Variants in IL6R observed in about 807,000 individuals in gnomAD.
The protein encoded by IL6R is interleukin 6 receptor.
In IL6R, 38 loss-of-function variants were observed where a neutral mutation model predicts 48.3. The observed-to-expected ratio is 0.79, with a 90% CI of 0.61 to 1.03. The LOEUF is 1.03. IL6R is among the 50% of genes least tolerant of loss of function. IL6R has a pLI of 0.00. For missense variants in IL6R, 534 were observed against 618.3 expected, an observed-to-expected ratio of 0.86 and a Z score of 1.45; for synonymous variants, 264 against 256.2, an observed-to-expected ratio of 1.03 and a Z score of -0.29.
At chr1:154,443,597 G>A (rs1252966360) in intron 6 of IL6R, among the ~76,000 whole-genome samples, 1 of 152,180 alleles carries the variant, frequency 6.6e-6, no homozygotes, top group Non-Finnish European at 1.5e-5. Flanking sequence ...CCCTGGGGAA[G>A]TACCTCACTG....
At chr1:154,434,857 C>A in intron 4 of IL6R, 133 bp from the exon 5 acceptor site, 1 of 1,197,512 alleles carries the variant, frequency 8.4e-7, no homozygotes, top group Non-Finnish European at 1.2e-6. Context: ...AATGATAAAG[C>A]AGGCCCTTGT....
intron 8 of IL6R, among the ~76,000 whole-genome samples, chr1:154,452,753 C>T (rs941478357): frequency 2.6e-5 from 4 of 151,560 alleles, no homozygotes; most frequent in Non-Finnish European, 5.9e-5. Context: ...ATAGGGTGAA[C>T]CCGGGAGGCG....
chr1:154,420,268 C>A (rs1388427927), intron 1 of IL6R, among the ~76,000 whole-genome samples: 1 of 152,074 alleles, frequency 6.6e-6, no homozygotes, highest in African/African-American at 2.4e-5. Context: ...CCTCTGAGAG[C>A]TAATGATTGG....
chr1:154,464,248 G>C (rs957823833), intron 9 of IL6R, among the ~76,000 whole-genome samples: 1 of 150,942 alleles, frequency 6.6e-6, no homozygotes, highest in South Asian at 2.1e-4. Flanking sequence ...TCTGCCTCCC[G>C]TGTTCAAGCG....
intron 6 of IL6R, among the ~76,000 whole-genome samples, chr1:154,437,251 C>T (rs535944059): frequency 6.6e-6 from 1 of 152,094 alleles, no homozygotes; most frequent in Non-Finnish European, 1.5e-5. Context: ...CACCTGCCAC[C>T]ACGCCCAGCT....
intron 6 of IL6R, among the ~76,000 whole-genome samples, chr1:154,447,496 C>G (rs1263150147): frequency 1.4e-5 from 1 of 69,028 alleles, no homozygotes. Flanking sequence ...CACACACACA[C>G]ACACACATAT....
chr1:154,430,396 C>G, intron 2 of IL6R, 87 bp from the exon 3 acceptor site: 1 of 1,528,974 alleles, frequency 6.5e-7, no homozygotes, highest in Non-Finnish European at 8.8e-7. Flanking sequence ...CCACGTGCTC[C>G]CCTCAAGGGA....
intron 6 of IL6R, among the ~76,000 whole-genome samples, chr1:154,439,006 C>A (rs1689788388): frequency 6.6e-6 from 1 of 152,064 alleles, no homozygotes; most frequent in African/African-American, 2.4e-5. Flanking sequence ...TCGTATTGAC[C>A]TGTCCATGGT....
At chr1:154,447,547 A>ACT (rs1690328894) in intron 6 of IL6R, among the ~76,000 whole-genome samples, 1 of 113,666 alleles carries the variant, frequency 8.8e-6, no homozygotes, top group Non-Finnish European at 1.8e-5. Context: ...ACATATATAT[A>ACT]CACATACACA....
intron 9 of IL6R, among the ~76,000 whole-genome samples, chr1:154,464,891 T>C (rs1557785394): frequency 1.3e-5 from 2 of 152,020 alleles, no homozygotes. Flanking sequence ...CCCAAGGAGG[T>C]TGAGGCTGCT....
At chr1:154,422,231 G>A (rs769018074) in intron 1 of IL6R, among the ~76,000 whole-genome samples, 10 of 152,128 alleles carry the variant, frequency 6.6e-5, no homozygotes, top group East Asian at 1.9e-4. Flanking sequence ...CGTGAGCCAC[G>A]GCGCCTGGTG....
chr1:154,429,841 C>T (rs909386172), intron 2 of IL6R, among the ~76,000 whole-genome samples: 7 of 152,064 alleles, frequency 4.6e-5, no homozygotes, highest in Non-Finnish European at 8.8e-5. Flanking sequence ...TGTGAATTTG[C>T]GTATGTGTGT....
chr1:154,405,643 G>A lies in IL6R; in HGVS notation c.14G>A (p.Gly5Asp). Residue 5 changes from glycine to aspartate, a missense_variant, in exon 1 of 10, where the codon GGC becomes GAC. Gly to Asp is a moderately conservative substitution (Grantham distance 94). Coordinates refer to ENST00000368485, the MANE Select transcript of IL6R (RefSeq NM_000565.4). The surrounding 1 kb of genome is among the most constrained non-coding windows in gnomAD (Gnocchi z 5.2). MLAV[G>D]CALLAALLAA... is the part of the protein sequence containing the mutation. Reference sequence around the variant, plus strand: ...CGAGGAGGAAGCATGCTGGCCGTCGGCTGCGCGCTGCTGGCTGCCCTGCTG... The same window carrying A: ...CGAGGAGGAAGCATGCTGGCCGTCGACTGCGCGCTGCTGGCTGCCCTGCTG... 1 of 1,533,402 alleles carries A rather than the reference G, an allele frequency of 6.5e-7. No individual in the cohort carries two copies. The highest frequency in any genetic ancestry group is 8.7e-7 in the Non-Finnish European group (1 of 1,147,396). The allele number at this position is 1,533,402 out of a possible 1,614,324, so 95.0% of individuals were successfully genotyped here.
chr1:154,429,129 T>C lies in IL6R; in HGVS notation c.86-67T>C, dbSNP rs28730732. The C allele has an allele frequency of 8.9e-4, 1,383 of 1,552,646 alleles. 8 individuals carry two copies. The African/African-American group carries it at 0.016, about 18-fold the overall frequency. On this transcript the variant is annotated intron_variant, in intron 1 of 9. Transcript: ENST00000368485. ...ATCACTGAGGCCTCTCGTGGCTTCC[T>C]CAGACCAGAACGAAGCCCCCTTCTT...
At chr1:154,419,711 G>A (rs1039443962) in intron 1 of IL6R, among the ~76,000 whole-genome samples, 3 of 152,240 alleles carry the variant, frequency 2.0e-5, no homozygotes, top group Non-Finnish European at 4.4e-5. Context: ...CATAAACGGG[G>A]CCAGGAAGCT....
intron 1 of IL6R, among the ~76,000 whole-genome samples, chr1:154,409,455 A>G (rs1687903924): frequency 6.6e-6 from 1 of 152,218 alleles, no homozygotes; most frequent in African/African-American, 2.4e-5. Flanking sequence ...GCCAAGTAAA[A>G]ATGATAACAC....
rs1306596112 is a variant in IL6R, at chr1:154,466,106, A to C, written c.*726A>C. The C allele has an allele frequency of 6.5e-6, 1 of 152,836 alleles. No homozygotes were observed. The highest frequency in any genetic ancestry group is 1.5e-5 in the Non-Finnish European group (1 of 68,186). The allele number at this position is 152,836 out of a possible 1,614,324, so 9.5% of individuals were successfully genotyped here. A position where few individuals can be genotyped will look rare whatever the true frequency, so the allele number is the denominator to read the frequency against. ...ATTTGCTGAATACAGAGGCAACTGC[A>C]TTGGCTTTGGGTTGCAGGACCTCAG... On this transcript the variant is annotated 3_prime_UTR_variant, in exon 10 of 10. Transcript: ENST00000368485.
rs1018729231 is a variant in IL6R at position 154,465,463 on chromosome 1, G to T, written c.*83G>T. 1 of 1,512,528 alleles carries T rather than the reference G, an allele frequency of 6.6e-7. No individual in the cohort carries two copies. Among genetic ancestry groups the T allele is most frequent in the Non-Finnish European group, 9.1e-7 (1 of 1,094,474 alleles). 93.7% of individuals were successfully genotyped at this position (1,512,528 alleles called of 1,614,324 possible). A position where few individuals can be genotyped will look rare whatever the true frequency, so the allele number is the denominator to read the frequency against. On this transcript the variant is annotated 3_prime_UTR_variant, in exon 10 of 10. Coordinates refer to ENST00000368485, the MANE Select transcript of IL6R (RefSeq NM_000565.4). ...AGCAAAAGATGCTTCTCACTGCCATGCCAGCTTATCTCAGGGGTGTGCGGC... is the reference window on the plus strand; with the variant it reads ...AGCAAAAGATGCTTCTCACTGCCATTCCAGCTTATCTCAGGGGTGTGCGGC...
chr1:154,435,269 G>A (rs1174647329), intron 5 of IL6R, 113 bp downstream of exon 5: 2 of 981,792 alleles, frequency 2.0e-6, no homozygotes, highest in East Asian at 2.5e-5. Flanking sequence ...CGGCCCTTTG[G>A]GAGGCCAAGG....
Sources: gnomAD v4.1 joint callset for allele counts (sites outside exome capture counted in the v4.1 genomes callset) on GRCh38, gnomAD v4.1.1 for gene constraint, Gnocchi (gnomAD v3.1) non-coding constraint, MANE v1.5 for transcripts, NCBI Gene and HGNC (gene_info 2026-07-23, HGNC 2026-07-21) for gene names.